Variants in XPC observed in about 807,000 individuals in gnomAD.
XPC encodes XPC complex subunit, DNA damage recognition and repair factor.
Under a neutral mutation model 95.8 loss-of-function variants are expected in XPC, and 76 were observed. The observed-to-expected ratio is 0.79, with a 90% CI of 0.66 to 0.96. XPC has a LOEUF of 0.96. Among genes scored for constraint, XPC ranks in the 40% least tolerant of loss-of-function variants. The pLI is 0.00. For synonymous variants in XPC, 442 were observed against 442.1 expected, an observed-to-expected ratio of 1.00 and a Z score of 0.00; for missense variants, 1,146 against 1,179.8, an observed-to-expected ratio of 0.97 and a Z score of 0.42.
At chr3:14,154,031 T>C (rs1363307715) in intron 10 of XPC, among the ~76,000 whole-genome samples, 1 of 152,200 alleles carries the variant, frequency 6.6e-6, no homozygotes, top group Non-Finnish European at 1.5e-5. Flanking sequence ...TCTGGACATC[T>C]TCCTAAGGAA....
chr3:14,154,628 G>T (rs148056288), intron 10 of XPC, among the ~76,000 whole-genome samples: 1 of 152,292 alleles, frequency 6.6e-6, no homozygotes, highest in Admixed American at 6.5e-5. Flanking sequence ...AATGGTGGGT[G>T]CAGGGCTGGA....
At chr3:14,147,196 G>C (rs1695473531) in intron 15 of XPC, 94 bp downstream of exon 15, 2 of 1,310,568 alleles carry the variant, frequency 1.5e-6, no homozygotes, top group Non-Finnish European at 2.1e-6. Context: ...TCCCTGACTT[G>C]AGGCTGGGGC....
At chr3:14,165,737 C>A in intron 5 of XPC, 152 bp from the exon 6 acceptor site, 1 of 846,738 alleles carries the variant, frequency 1.2e-6, no homozygotes, top group Admixed American at 2.4e-5. Context: ...TTGGCCACTT[C>A]CCAAGCTTGT....
chr3:14,164,627 G>T, intron 7 of XPC, 186 bp downstream of exon 7: 1 of 549,314 alleles, frequency 1.8e-6, no homozygotes, highest in Non-Finnish European at 3.1e-6. Context: ...CGATTCTCAG[G>T]CTCACCAAGG....
Position 14,178,544 on chromosome 3 carries a change from C to A in XPC, c.25G>T (p.Gly9Trp). Residue 9 changes from glycine to tryptophan, a missense_variant, in exon 1 of 16, where the codon GGG becomes TGG. Coordinates refer to ENST00000285021, the MANE Select transcript of XPC (RefSeq NM_004628.5). MARKRAAG[G>W]EPRGRELRSQ... ...CGCAGTTCGCGTCCCCGCGGCTCCC[C>A]GCCGGCCGCGCGTTTCCGAGCCATG... is the stretch of plus-strand genomic sequence containing the variant. 6.2e-7 allele frequency: 1 copy of A among 1,613,072 alleles called. No homozygotes were observed. The highest frequency in any genetic ancestry group is 1.7e-5 in the Admixed American group (1 of 59,994).
rs995197441 is a variant in XPC at position 14,145,500 on chromosome 3, C to T, written c.*441G>A. 1.3e-5 allele frequency: 9 copies of T among 698,080 alleles called. No homozygotes were observed. The highest frequency in any genetic ancestry group is 2.1e-5 in the Non-Finnish European group (8 of 383,108). 43.2% of individuals were successfully genotyped at this position (698,080 alleles called of 1,614,324 possible). A position where few individuals can be genotyped will look rare whatever the true frequency, so the allele number is the denominator to read the frequency against. On this transcript the variant is annotated 3_prime_UTR_variant, in exon 16 of 16. Coordinates refer to ENST00000285021, the MANE Select transcript of XPC (RefSeq NM_004628.5). Reference sequence around the variant, plus strand: ...AATGGTCCTAGGTCCGCAACCGAGGCGAGTGAACTTGTCGGACAGATGAAG... The same window carrying T: ...AATGGTCCTAGGTCCGCAACCGAGGTGAGTGAACTTGTCGGACAGATGAAG...
chr3:14,149,409 C>G (rs1387873803), intron 11 of XPC: 1 of 162,914 alleles, frequency 6.1e-6, no homozygotes, highest in Admixed American at 6.0e-5. Context: ...ACTACAAGCA[C>G]TAGCTAACAT....
Position 14,178,432 on chromosome 3 carries a change from G to C in XPC, c.103+34C>G, listed in dbSNP as rs147584831. 5.8e-3 allele frequency: 9,077 copies of C among 1,572,192 alleles called. 32 individuals carry two copies. Among genetic ancestry groups the C allele is most frequent in the Non-Finnish European group, 6.9e-3 (8,032 of 1,161,194 alleles). ...TGGGCCTCCTCCGCCCACCGGCGGCGTCTCCCGCGAAGCCCGCTGGGCCTC... is the reference window on the plus strand; with the variant it reads ...TGGGCCTCCTCCGCCCACCGGCGGCCTCTCCCGCGAAGCCCGCTGGGCCTC... On this transcript the variant is annotated intron_variant, in intron 1 of 15. Coordinates refer to ENST00000285021, the MANE Select transcript of XPC (RefSeq NM_004628.5).
intron 15 of XPC, 89 bp from the exon 16 acceptor site, chr3:14,146,248 C>A: frequency 8.3e-7 from 1 of 1,210,656 alleles, no homozygotes; most frequent in South Asian, 1.3e-5. Flanking sequence ...AGTTCCCAGC[C>A]TGCCCTAAGC....
At chr3:14,170,742 A>C (rs1696578672) in intron 2 of XPC, 192 bp from the exon 3 acceptor site, 10 of 441,852 alleles carry the variant, frequency 2.3e-5, no homozygotes, top group Non-Finnish European at 4.0e-6. Flanking sequence ...ATGTGCTCTG[A>C]TCATCTGTCT....
intron 3 of XPC, 95 bp from the exon 4 acceptor site, chr3:14,168,475 G>C (rs1696479210): frequency 1.3e-6 from 2 of 1,490,486 alleles, no homozygotes; most frequent in African/African-American, 1.4e-5. Flanking sequence ...GAAGGAGGAA[G>C]TGAGGCATGA....
intron 1 of XPC, among the ~76,000 whole-genome samples, chr3:14,177,735 G>T (rs1333224977): frequency 6.6e-6 from 1 of 151,338 alleles, no homozygotes; most frequent in Admixed American, 6.6e-5. Flanking sequence ...TATTTGGGTT[G>T]CTGGATGCAG....
chr3:14,150,275 TAC>T (rs1472503430), intron 11 of XPC, among the ~76,000 whole-genome samples: 1 of 152,260 alleles, frequency 6.6e-6, no homozygotes, highest in Non-Finnish European at 1.5e-5. Flanking sequence ...GGCCTCAGCA[TAC>T]AGACTTCCTC....
chr3:14,145,964 G>C lies in XPC; in HGVS notation c.2800C>G (p.Leu934Val). Reference sequence around the variant, plus strand: ...GCTCACAGCTGCTCAAATGGGAACAGGTGGGAAGCTGCTGCTTTCTTTTCC... The same window carrying C: ...GCTCACAGCTGCTCAAATGGGAACACGTGGGAAGCTGCTGCTTTCTTTTCC... ...KREKKAAASHLFPFEQL is the reference protein window; with the variant it reads ...KREKKAAASHVFPFEQL Residue 934 changes from leucine (L) to valine (V), a missense_variant, in exon 16 of 16, where the codon CTG becomes GTG. Leu to Val is a conservative substitution (Grantham distance 32). Coordinates refer to ENST00000285021, the MANE Select transcript of XPC (RefSeq NM_004628.5). The C allele has an allele frequency of 6.2e-7, 1 of 1,608,458 alleles. No homozygotes were observed.
intron 7 of XPC, among the ~76,000 whole-genome samples, chr3:14,161,996 T>C (rs149640759): frequency 7.2e-4 from 109 of 152,278 alleles, no homozygotes; most frequent in African/African-American, 2.1e-3. Flanking sequence ...GTTGTGTTTC[T>C]ATACATTTGC....
chr3:14,155,499 T>C (rs1481210080), intron 10 of XPC, among the ~76,000 whole-genome samples: 1 of 152,134 alleles, frequency 6.6e-6, no homozygotes, highest in Non-Finnish European at 1.5e-5. Context: ...TTCCACTCTT[T>C]TTTTAGCTAT....
At chr3:14,152,310 A>ACAGGGACCCCC (rs1428660094) in intron 11 of XPC, 25 bp downstream of exon 11, 1 of 1,606,264 alleles carries the variant, frequency 6.2e-7, no homozygotes, top group Non-Finnish European at 8.5e-7. Flanking sequence ...ACCACTCCCC[A>ACAGGGACCCCC]CAGGGACCCC....
chr3:14,155,780 G>T (rs1203647130), intron 10 of XPC, among the ~76,000 whole-genome samples: 1 of 152,074 alleles, frequency 6.6e-6, no homozygotes, highest in Non-Finnish European at 1.5e-5. Context: ...GGATGGTCTC[G>T]ATCTCCTGAC....
intron 1 of XPC, among the ~76,000 whole-genome samples, chr3:14,178,032 A>C (rs1416703931): frequency 6.6e-6 from 1 of 152,274 alleles, no homozygotes; most frequent in Non-Finnish European, 1.5e-5. Flanking sequence ...AGCCTATCAA[A>C]TATCCATGAG....
Sources: gnomAD v4.1 joint callset for allele counts (sites outside exome capture counted in the v4.1 genomes callset) on GRCh38, gnomAD v4.1.1 for gene constraint, MANE v1.5 for transcripts, NCBI Gene and HGNC (gene_info 2026-07-23, HGNC 2026-07-21) for gene names.